The following PTPRD variants were observed in gnomAD, a reference collection of about 807,000 sequenced individuals.
PTPRD encodes the protein protein tyrosine phosphatase receptor type D, also known as receptor-type tyrosine-protein phosphatase delta.
A neutral mutation model predicts 214.5 loss-of-function variants in PTPRD; 34 were observed. The ratio of observed to expected loss-of-function variants is 0.16; its 90% confidence interval spans 0.12 to 0.21. The LOEUF is 0.21. Ranked by LOEUF, PTPRD falls within the 10% of genes least tolerant of loss-of-function variation. The pLI, the probability that PTPRD is intolerant of heterozygous loss-of-function variation, is 1.00. For synonymous variants in PTPRD, 1,128 were observed against 845.7 expected (o/e 1.33, Z -5.79); for missense variants, 2,545 against 2,398.7 (o/e 1.06, Z -1.27).
chr9:10,119,619 G>C (rs1591643200), intron 3 of PTPRD, among the ~76,000 whole-genome samples: 1 of 151,994 alleles, frequency 6.6e-6, no homozygotes, highest in African/African-American at 2.4e-5. Context: ...GAACCGGTAA[G>C]ATATTGGATG....
chr9:8,696,453 G>A (rs934952688), intron 12 of PTPRD, among the ~76,000 whole-genome samples: 1 of 152,152 alleles, frequency 6.6e-6, no homozygotes, highest in African/African-American at 2.4e-5. Flanking sequence ...CTTGGGGTGG[G>A]GGGACAAGTA....
At chr9:10,251,278 A>ACTATC (rs1164764532) in intron 3 of PTPRD, among the ~76,000 whole-genome samples, 1 of 152,184 alleles carries the variant, frequency 6.6e-6, no homozygotes, top group Admixed American at 6.5e-5. Flanking sequence ...CTAAAAGTCC[A>ACTATC]CTATCACTAT....
intron 7 of PTPRD, among the ~76,000 whole-genome samples, chr9:9,643,458 G>C (rs992650029): frequency 1.2e-4 from 19 of 152,210 alleles, no homozygotes; most frequent in African/African-American, 3.9e-4. Context: ...TGTTATGGTG[G>C]AGATGATTCT....
At chr9:8,754,118 C>A (rs914309494) in intron 11 of PTPRD, among the ~76,000 whole-genome samples, 1 of 152,046 alleles carries the variant, frequency 6.6e-6, no homozygotes, top group East Asian at 1.9e-4. Flanking sequence ...GCACTCCAGC[C>A]TGGGTGACAG....
At position 8,544,370 on chromosome 9, in the gene PTPRD, A is replaced by C. The variant is rs534698160; in HGVS notation, c.353-15591T>G. ...GTGCTGGGATTACAGGCATGAGCCA[A>C]CGCACCCGGTCGCCATTACTTTTCA... is the stretch of plus-strand genomic sequence containing the variant. On this transcript the variant is annotated intron_variant, in intron 14 of 45. Coordinates refer to ENST00000381196, the MANE Select transcript of PTPRD (RefSeq NM_002839.4). Among the ~76,000 whole-genome samples the C allele has an allele frequency of 3.7e-3, 534 of 145,248 alleles. 1 individual carries two copies. Among genetic ancestry groups the C allele is most frequent in the African/African-American group, 4.8e-3 (189 of 39,320 alleles).
rs1038202759 is a variant in PTPRD at position 9,710,953 on chromosome 9, AGAGC to A, written c.-287+23576_-287+23579del. On this transcript the variant is annotated intron_variant, in intron 7 of 45. Coordinates refer to ENST00000381196, the MANE Select transcript of PTPRD (RefSeq NM_002839.4). ...GGCACATCTAAATGGTCCTAGTCTG[AGAGC>A]GAGCGAGCGAGAGAGAGCGTGTGTG... is the stretch of plus-strand genomic sequence containing the variant. 3.9e-5 allele frequency among the ~76,000 whole-genome samples: 6 copies of A among 151,996 alleles called. 1 individual carries two copies. In the South Asian group the frequency reaches 6.2e-4, roughly 16 times the overall value.
intron 5 of PTPRD, among the ~76,000 whole-genome samples, chr9:9,897,162 C>CT (rs1555295659): frequency 1.6e-5 from 2 of 123,084 alleles, no homozygotes; most frequent in Non-Finnish European, 3.4e-5. Flanking sequence ...ACACACACAC[C>CT]GCTGCTAAAC....
chr9:10,353,450 T>A (rs1279720330), intron 2 of PTPRD, among the ~76,000 whole-genome samples: 1 of 152,044 alleles, frequency 6.6e-6, no homozygotes, highest in Non-Finnish European at 1.5e-5. Flanking sequence ...CACATCATTA[T>A]AATAAGAACT....
rs1426668045 is a variant in PTPRD, at chr9:9,958,262, G to C, written c.-471-19652C>G. Among the ~76,000 whole-genome samples the C allele has an allele frequency of 2.0e-5, 3 of 152,310 alleles. No homozygotes were observed. The East Asian group carries it at 5.8e-4, about 29-fold the overall frequency. ...ACTTATGCTGTGGCTGGGTGCAGTG[G>C]CTCACGCCTGTAATCCCAGCACTTT... On this transcript the variant is annotated intron_variant, in intron 4 of 45. Transcript: ENST00000381196.
At chr9:10,197,451 A>G (rs1018496581) in intron 3 of PTPRD, among the ~76,000 whole-genome samples, 4 of 152,138 alleles carry the variant, frequency 2.6e-5, no homozygotes, top group African/African-American at 9.6e-5. Context: ...CTTTGCTTGG[A>G]CAATGCAACA....
intron 2 of PTPRD, among the ~76,000 whole-genome samples, chr9:10,602,084 C>T (rs1267820972): frequency 2.0e-5 from 3 of 151,624 alleles, no homozygotes; most frequent in East Asian, 1.9e-4. Flanking sequence ...TTTTAACTTC[C>T]GATTTTTGTA....
intron 14 of PTPRD, among the ~76,000 whole-genome samples, chr9:8,530,880 G>T (rs1272391211): frequency 6.6e-6 from 1 of 152,036 alleles, no homozygotes; most frequent in Non-Finnish European, 1.5e-5. Flanking sequence ...GAAAAGCGTA[G>T]ACTCTGGCTC....
chr9:8,582,825 T>C (rs1376691575), intron 14 of PTPRD, among the ~76,000 whole-genome samples: 1 of 152,182 alleles, frequency 6.6e-6, no homozygotes, highest in Non-Finnish European at 1.5e-5. Context: ...AATGGTGATA[T>C]GTGGCAAAGT....
chr9:9,184,601 T>G (rs1400470007), intron 9 of PTPRD, among the ~76,000 whole-genome samples: 1 of 152,060 alleles, frequency 6.6e-6, no homozygotes, highest in African/African-American at 2.4e-5. Context: ...TAAATGAGAA[T>G]TAAATTTCTC....
chr9:8,437,909 G>T (rs1374185634), intron 34 of PTPRD, among the ~76,000 whole-genome samples: 3 of 152,120 alleles, frequency 2.0e-5, no homozygotes, highest in African/African-American at 7.2e-5. Flanking sequence ...CTTTTCATAT[G>T]ATTTGTCTTT....
chr9:10,245,702 C>G (rs963835401), intron 3 of PTPRD, among the ~76,000 whole-genome samples: 1 of 152,130 alleles, frequency 6.6e-6, no homozygotes, highest in African/African-American at 2.4e-5. Flanking sequence ...AACTGTCCTT[C>G]TACTGAAGGC....
At chr9:8,426,450 G>C (rs2131890586) in intron 35 of PTPRD, among the ~76,000 whole-genome samples, 1 of 152,296 alleles carries the variant, frequency 6.6e-6, no homozygotes, top group Non-Finnish European at 1.5e-5. Context: ...ACTCAATAAA[G>C]AGTGTCTTTT....
chr9:9,134,999 G>T (rs1442898799), intron 10 of PTPRD, among the ~76,000 whole-genome samples: 1 of 152,122 alleles, frequency 6.6e-6, no homozygotes, highest in African/African-American at 2.4e-5. Flanking sequence ...TCTGTGCAAT[G>T]ACACAGTCAT....
At chr9:8,488,627 G>A (rs568337624) in intron 27 of PTPRD, among the ~76,000 whole-genome samples, 1 of 152,290 alleles carries the variant, frequency 6.6e-6, no homozygotes, top group South Asian at 2.1e-4. Context: ...GAAACTGTGT[G>A]AACTATTCCA....
Sources: allele counts gnomAD v4.1 joint callset (sites outside exome capture counted in the v4.1 genomes callset), GRCh38; gene constraint gnomAD v4.1.1; transcripts MANE v1.5; gene names NCBI Gene and HGNC (gene_info 2026-07-23, HGNC 2026-07-21).